Variants in SASH1 observed in about 807,000 individuals in gnomAD.
SASH1 encodes SAM and SH3 domain-containing protein 1.
In SASH1, 44 loss-of-function variants were observed where a neutral mutation model predicts 125.2. The observed-to-expected ratio is 0.35, with a 90% CI of 0.28 to 0.45. The LOEUF (loss-of-function observed/expected upper bound fraction) is 0.45. Among genes scored for constraint, SASH1 ranks in the 20% least tolerant of loss-of-function variants. SASH1 has a pLI of 1.00. For synonymous variants in SASH1, 639 were observed against 649.1 expected, an observed-to-expected ratio of 0.98 and a Z score of 0.24; for missense variants, 1,426 against 1,614.5, an observed-to-expected ratio of 0.88 and a Z score of 2.00.
At chr6:148,257,473 C>T in the SASH1 span, among the ~76,000 whole-genome samples, 1 of 152,202 alleles carries the variant, frequency 6.6e-6, no homozygotes, top group South Asian at 2.1e-4. Context: ...GTGTTCCTGA[C>T]TTCCGTCGCC....
chr6:148,334,534 G>A (rs1207359157), intron 1 of SASH1, among the ~76,000 whole-genome samples: 3 of 151,850 alleles, frequency 2.0e-5, no homozygotes, highest in Non-Finnish European at 2.9e-5. Flanking sequence ...ATTCGAGGCC[G>A]GGTGCAGTGG....
At chr6:148,247,850 C>G in the SASH1 span, among the ~76,000 whole-genome samples, 4 of 152,248 alleles carry the variant, frequency 2.6e-5, no homozygotes, top group Non-Finnish European at 5.9e-5. Context: ...CCTGGCCACT[C>G]TGGCCCCTCC....
At chr6:148,534,707 C>T in intron 15 of SASH1, 44 bp from the exon 16 acceptor site, 1 of 1,608,594 alleles carries the variant, frequency 6.2e-7, no homozygotes, top group Non-Finnish European at 8.5e-7. Flanking sequence ...TATCATGTGT[C>T]TGGGCTGGCT....
At chr6:148,263,011 G>C in the SASH1 span, among the ~76,000 whole-genome samples, 60 of 152,202 alleles carry the variant, frequency 3.9e-4, no homozygotes, top group Admixed American at 7.2e-4. Flanking sequence ...TGGAACCTCT[G>C]GGGGAGGCAA....
the SASH1 span, among the ~76,000 whole-genome samples, chr6:148,210,643 G>T: frequency 1.3e-5 from 2 of 152,208 alleles, no homozygotes; most frequent in African/African-American, 4.8e-5. Flanking sequence ...TAAATACAGA[G>T]CTGCTTGAAT....
At chr6:148,524,121 A>ATATATATTTTTT (rs1193506716) in intron 10 of SASH1, among the ~76,000 whole-genome samples, 4 of 128,602 alleles carry the variant, frequency 3.1e-5, no homozygotes, top group South Asian at 2.6e-4. Context: ...ATATATATAT[A>ATATATATTTTTT]TTTTTTTTAA....
intron 8 of SASH1, among the ~76,000 whole-genome samples, chr6:148,503,310 T>G (rs1163038282): frequency 8.2e-6 from 1 of 121,218 alleles, no homozygotes; most frequent in Non-Finnish European, 1.9e-5. Context: ...CGAGTCATCT[T>G]TCTAAAAAAA....
In SASH1 at chr6:148,544,675, A is replaced by G. The variant is rs41288417; in HGVS notation, c.3205A>G (p.Ser1069Gly). 33 of 1,613,152 alleles carry G rather than the reference A, an allele frequency of 2.0e-5. No homozygotes were observed. The highest frequency in any genetic ancestry group is 2.6e-5 in the Non-Finnish European group (31 of 1,179,618). The change falls in exon 18 of 20, where the codon AGC becomes GGC. Residue 1069 changes from serine (S) to glycine (G), a missense_variant. This residue lies in a region of SASH1 where 634 missense variants were observed against 694.4 expected (regional missense o/e 0.91). Transcript: ENST00000367467. This position sits in a 1 kb window ranked among gnomAD's most constrained non-coding sequence, Gnocchi z 6.4. ...GCTCTCAGAGCTCCCCGAGAACACAAGCCTCCAGGAGCACGGTGTGAAGCT... is the reference window on the plus strand; with the variant it reads ...GCTCTCAGAGCTCCCCGAGAACACAGGCCTCCAGGAGCACGGTGTGAAGCT... ...PWLSELPENTSLQEHGVKLGP... is the reference protein window; with the variant it reads ...PWLSELPENTGLQEHGVKLGP...
chr6:148,392,921 A>G (rs1031452743), intron 2 of SASH1, among the ~76,000 whole-genome samples: 8 of 152,224 alleles, frequency 5.3e-5, no homozygotes, highest in African/African-American at 1.9e-4. Context: ...CACACTCTTA[A>G]AATTCATTAG....
the SASH1 span, among the ~76,000 whole-genome samples, chr6:148,247,783 C>T: frequency 2.6e-5 from 4 of 152,238 alleles, no homozygotes; most frequent in East Asian, 1.9e-4. Context: ...AAACTAAAAC[C>T]GAATGTTAAG....
Position 148,487,636 on chromosome 6 carries a change from AC to A in SASH1, c.652del (p.Arg218GlyfsTer39). ...LARLKEYEAQ[H>X]RQSAALDPAD... is the part of the protein sequence containing the mutation. ...CAGCTCAAGGAATACGAGGCCCAGC[AC>A]CGGCAGTCGGCTGCCCTGGACCCTG... On this transcript the variant is annotated frameshift_variant, in exon 8 of 20. Coordinates refer to ENST00000367467, the MANE Select transcript of SASH1 (RefSeq NM_015278.5). LOFTEE classifies it high-confidence loss of function. The A allele has an allele frequency of 6.2e-7, 1 of 1,613,618 alleles. No individual in the cohort carries two copies. Among genetic ancestry groups the A allele is most frequent in the Non-Finnish European group, 8.5e-7 (1 of 1,179,762 alleles).
intron 8 of SASH1, among the ~76,000 whole-genome samples, chr6:148,488,262 G>C (rs367748241): frequency 6.6e-6 from 1 of 152,176 alleles, no homozygotes; most frequent in African/African-American, 2.4e-5. Flanking sequence ...TGTGTGTCTG[G>C]TTTATTTCAC....
chr6:148,472,589 G>A (rs73788567), intron 6 of SASH1, among the ~76,000 whole-genome samples: 1,533 of 152,202 alleles, frequency 0.01, 33 homozygotes, highest in African/African-American at 0.035. Context: ...TGCCATTTGC[G>A]GTGACACAGA....
At chr6:148,231,028 G>A in the SASH1 span, among the ~76,000 whole-genome samples, 3 of 152,156 alleles carry the variant, frequency 2.0e-5, no homozygotes, top group East Asian at 5.8e-4. Flanking sequence ...GTGTTTTGGT[G>A]CCATATCTAA....
In SASH1 at chr6:148,538,064, G is replaced by C. The variant is rs182321551; in HGVS notation, c.2096-2379G>C. On this transcript the variant is annotated intron_variant, in intron 16 of 19. Transcript: ENST00000367467. The stretch of plus-strand genomic sequence containing the variant: ...TCTTGATTCTGCACTACAGAGGAGA[G>C]GCACCTCACCTCTTTTTCTCTTCTC... Among the ~76,000 whole-genome samples the C allele has an allele frequency of 3.7e-3, 557 of 152,222 alleles. 4 individuals carry two copies. The highest frequency in any genetic ancestry group is 0.013 in the African/African-American group (528 of 41,512).
the SASH1 span, among the ~76,000 whole-genome samples, chr6:148,213,575 A>T: frequency 3.8e-3 from 573 of 150,776 alleles, 4 homozygotes; most frequent in Non-Finnish European, 6.7e-3. Flanking sequence ...GGCTCAGGTG[A>T]TTATTCTCAT....
intron 17 of SASH1, among the ~76,000 whole-genome samples, chr6:148,542,095 C>T (rs1230640327): frequency 6.6e-6 from 1 of 152,138 alleles, no homozygotes; most frequent in Non-Finnish European, 1.5e-5. Context: ...TCACAGATAT[C>T]ACTGGCAGAA....
At chr6:148,263,428 C>T in the SASH1 span, among the ~76,000 whole-genome samples, 1 of 152,204 alleles carries the variant, frequency 6.6e-6, no homozygotes, top group Non-Finnish European at 1.5e-5. Flanking sequence ...GGCCAGAACA[C>T]CACCTTGAGT....
At chr6:148,453,171 G>A (rs979074692) in intron 4 of SASH1, among the ~76,000 whole-genome samples, 1 of 152,184 alleles carries the variant, frequency 6.6e-6, no homozygotes, top group African/African-American at 2.4e-5. Flanking sequence ...CGTCTGCCCT[G>A]TGTCCTTTGC....
Sources: gnomAD v4.1 joint callset for allele counts (sites outside exome capture counted in the v4.1 genomes callset) on GRCh38, gnomAD v4.1.1 for gene constraint, gnomAD v4.1.1 regional missense constraint, Gnocchi (gnomAD v3.1) non-coding constraint, MANE v1.5 for transcripts, NCBI Gene and HGNC (gene_info 2026-07-23, HGNC 2026-07-21) for gene names.